The following GRID2 variants were observed in gnomAD, a reference collection of about 807,000 sequenced individuals.
The protein encoded by GRID2 is glutamate ionotropic receptor delta type subunit 2, also known as glutamate receptor ionotropic, delta-2.
Under a neutral mutation model 114.8 loss-of-function variants are expected in GRID2, and 33 were observed. The ratio of observed to expected loss-of-function variants is 0.29; its 90% CI spans 0.22 to 0.38. The LOEUF is 0.38. GRID2 is among the 10% of genes least tolerant of loss of function. The pLI is 1.00. For missense variants in GRID2, 1,184 were observed against 1,257.7 expected (o/e 0.94, Z 0.89); for synonymous variants, 505 against 449.9 (o/e 1.12, Z -1.55).
At chr4:93,594,409 A>G (rs1256201972) in intron 13 of GRID2, among the ~76,000 whole-genome samples, 6 of 152,258 alleles carry the variant, frequency 3.9e-5, no homozygotes, top group South Asian at 4.2e-4. Flanking sequence ...CAGTCCGCCC[A>G]TTCTCAGATC....
chr4:93,725,948 A>G (rs1729838877), intron 14 of GRID2, among the ~76,000 whole-genome samples: 1 of 152,044 alleles, frequency 6.6e-6, no homozygotes, highest in Admixed American at 6.6e-5. Flanking sequence ...GTTCACTCTG[A>G]TGGTAGTTTC....
chr4:93,198,450 A>G (rs1741727536), intron 4 of GRID2, among the ~76,000 whole-genome samples: 1 of 152,148 alleles, frequency 6.6e-6, no homozygotes, highest in Non-Finnish European at 1.5e-5. Context: ...CCAGGAGGCA[A>G]CATAAGGACA....
intron 2 of GRID2, among the ~76,000 whole-genome samples, chr4:92,884,400 T>G (rs1746225845): frequency 1.3e-5 from 2 of 152,322 alleles, no homozygotes; most frequent in African/African-American, 4.8e-5. Context: ...TTATCTGTGG[T>G]GTTCACTGGA....
intron 2 of GRID2, among the ~76,000 whole-genome samples, chr4:92,986,274 G>A (rs769970220): frequency 1.3e-4 from 20 of 152,116 alleles, no homozygotes; most frequent in Non-Finnish European, 2.6e-4. Flanking sequence ...CTGAAAGTGA[G>A]AAACTCTAGG....
At chr4:93,608,364 G>A (rs1268644955) in intron 13 of GRID2, among the ~76,000 whole-genome samples, 1 of 135,962 alleles carries the variant, frequency 7.4e-6, no homozygotes, top group African/African-American at 2.8e-5. Context: ...ACATTGTGCA[G>A]GTTAGTTACA....
intron 2 of GRID2, among the ~76,000 whole-genome samples, chr4:92,664,437 G>T (rs746929261): frequency 7.3e-5 from 11 of 151,020 alleles, no homozygotes; most frequent in Non-Finnish European, 1.6e-4. Flanking sequence ...GGTTGGAGAA[G>T]ATTTTCTTTT....
Position 93,443,589 on chromosome 4 carries a change from G to C in GRID2, c.1546-12073G>C, listed in dbSNP as rs150872513. On this transcript the variant is annotated intron_variant, in intron 10 of 15. Transcript: ENST00000282020. ...CAGGCAAGCTATTTACCTTGTCTGA[G>C]TCTTAGATTTGGCCTCAGCGAAAGG... Among the ~76,000 whole-genome samples, 38 of 152,062 alleles carry C rather than the reference G, an allele frequency of 2.5e-4. 1 individual carries two copies. Among genetic ancestry groups the C allele is most frequent in the Non-Finnish European group, 4.9e-4 (33 of 67,944 alleles).
intron 4 of GRID2, among the ~76,000 whole-genome samples, chr4:93,144,819 G>T (rs1045242469): frequency 1.3e-5 from 2 of 152,096 alleles, no homozygotes; most frequent in African/African-American, 2.4e-5. Flanking sequence ...CCCAATAAAA[G>T]TCCAAAATGA....
chr4:93,467,855 T>C (rs185573861), intron 11 of GRID2, among the ~76,000 whole-genome samples: 48 of 152,314 alleles, frequency 3.2e-4, no homozygotes, highest in African/African-American at 1.1e-3. Context: ...AATTTTTACA[T>C]TGGAAACAAA....
intron 1 of GRID2, among the ~76,000 whole-genome samples, chr4:92,504,958 A>G (rs1723881978): frequency 6.6e-6 from 1 of 152,076 alleles, no homozygotes; most frequent in Non-Finnish European, 1.5e-5. Flanking sequence ...AATACAAGTC[A>G]AACTAATAAT....
chr4:93,220,419 T>C (rs534128672), intron 6 of GRID2, among the ~76,000 whole-genome samples: 1 of 152,124 alleles, frequency 6.6e-6, no homozygotes, highest in Non-Finnish European at 1.5e-5. Context: ...CAGAAGATAG[T>C]GAACACTCTG....
chr4:92,319,274 A>G (rs1726179709), intron 1 of GRID2, among the ~76,000 whole-genome samples: 1 of 152,166 alleles, frequency 6.6e-6, no homozygotes, highest in African/African-American at 2.4e-5. Flanking sequence ...ATTTCTTGAT[A>G]TTTTAATATT....
At chr4:93,617,078 T>C (rs899283028) in intron 13 of GRID2, among the ~76,000 whole-genome samples, 1 of 152,158 alleles carries the variant, frequency 6.6e-6, no homozygotes, top group Non-Finnish European at 1.5e-5. Flanking sequence ...GATGAATCAG[T>C]TTTTGTTGCC....
chr4:93,035,555 C>T (rs1724859413), intron 2 of GRID2, among the ~76,000 whole-genome samples: 1 of 152,056 alleles, frequency 6.6e-6, no homozygotes. Flanking sequence ...TCCCTTTATC[C>T]TCTAGTTCTA....
At chr4:93,569,848 C>A (rs558709009) in intron 13 of GRID2, among the ~76,000 whole-genome samples, 1 of 152,128 alleles carries the variant, frequency 6.6e-6, no homozygotes, top group African/African-American at 2.4e-5. Context: ...AAAAAAGAAA[C>A]CTACCTGACT....
chr4:92,638,802 C>T (rs1731202117), intron 2 of GRID2, among the ~76,000 whole-genome samples: 1 of 150,514 alleles, frequency 6.6e-6, no homozygotes, highest in Non-Finnish European at 1.5e-5. Context: ...TAATATTTGT[C>T]TTTGAAAATT....
intron 1 of GRID2, among the ~76,000 whole-genome samples, chr4:92,433,731 T>G (rs908093520): frequency 1.3e-5 from 2 of 152,214 alleles, no homozygotes; most frequent in African/African-American, 4.8e-5. Flanking sequence ...AGGTGCTTTC[T>G]TATGTAGATA....
chr4:92,451,831 A>C (rs1277444722), intron 1 of GRID2, among the ~76,000 whole-genome samples: 1 of 152,214 alleles, frequency 6.6e-6, no homozygotes, highest in Non-Finnish European at 1.5e-5. Flanking sequence ...AAAAGAGCCT[A>C]AGTATTCATC....
At chr4:92,743,348 T>C (rs1736989992) in intron 2 of GRID2, among the ~76,000 whole-genome samples, 1 of 152,160 alleles carries the variant, frequency 6.6e-6, no homozygotes, top group Admixed American at 6.5e-5. Flanking sequence ...GCCATTATAT[T>C]TTTGTGCTTT....
Sources: allele counts gnomAD v4.1 joint callset (sites outside exome capture counted in the v4.1 genomes callset), GRCh38; gene constraint gnomAD v4.1.1; transcripts MANE v1.5; gene names NCBI Gene and HGNC (gene_info 2026-07-23, HGNC 2026-07-21).